Variants in PPP1R12B observed in about 807,000 individuals in gnomAD.
The protein encoded by PPP1R12B is protein phosphatase 1 regulatory subunit 12B.
PPP1R12B carries 76 observed loss-of-function variants against 126.1 expected under a neutral mutation model. The ratio of observed to expected loss-of-function variants is 0.60; its 90% CI spans 0.50 to 0.73. The LOEUF is 0.73. Ranked by LOEUF, PPP1R12B falls within the 30% of genes least tolerant of loss-of-function variation. PPP1R12B has a pLI of 0.00. For synonymous variants in PPP1R12B, 356 were observed against 434.7 expected (o/e 0.82, Z 2.25); for missense variants, 1,052 against 1,205.1 (o/e 0.87, Z 1.88).
In PPP1R12B at chr1:202,357,069, G is replaced by A. The variant is rs201950606; in HGVS notation, c.291+7927G>A. Among the ~76,000 whole-genome samples, 46 of 152,180 alleles carry A rather than the reference G, an allele frequency of 3.0e-4. No homozygotes were observed. The East Asian group carries it at 5.4e-3, about 18-fold the overall frequency. On this transcript the variant is annotated intron_variant, in intron 1 of 23. Transcript: ENST00000608999. The stretch of plus-strand genomic sequence containing the variant: ...ACTCCTGACTTCAGGTGATCCACCC[G>A]CCTTGGCCTCCCAAGGATTACAGGT...
chr1:202,517,138 G>A (rs1347711459), intron 18 of PPP1R12B, among the ~76,000 whole-genome samples: 1 of 152,120 alleles, frequency 6.6e-6, no homozygotes, highest in African/African-American at 2.4e-5. Context: ...TACAGTTGTG[G>A]AAAACAGCTC....
chr1:202,490,342 G>A (rs1293904574), intron 14 of PPP1R12B, among the ~76,000 whole-genome samples: 3 of 152,152 alleles, frequency 2.0e-5, no homozygotes, highest in Non-Finnish European at 4.4e-5. Context: ...CACCCTTGTT[G>A]TCTTCTTTGA....
At chr1:202,440,852 C>T (rs1050442909) in intron 11 of PPP1R12B, 64 bp downstream of exon 11, 1 of 1,343,904 alleles carries the variant, frequency 7.4e-7, no homozygotes, top group Non-Finnish European at 1.1e-6. Context: ...ATAGTCATCT[C>T]CTGGGCATTA....
intron 18 of PPP1R12B, among the ~76,000 whole-genome samples, chr1:202,553,239 T>A (rs549319613): frequency 6.6e-6 from 1 of 152,358 alleles, no homozygotes; most frequent in African/African-American, 2.4e-5. Flanking sequence ...TCTGAGCAGC[T>A]TTTAGTCTCT....
chr1:202,493,250 C>T lies in PPP1R12B; in HGVS notation c.2078C>T (p.Pro693Leu), dbSNP rs148592155. The T allele has an allele frequency of 6.2e-7, 1 of 1,612,870 alleles. No individual in the cohort carries two copies. The highest frequency in any genetic ancestry group is 1.3e-5 in the African/African-American group (1 of 74,904). Residue 693 changes from proline (P) to leucine (L), a missense_variant, in exon 15 of 24, where the codon CCC becomes CTC. Pro to Leu is a moderately conservative substitution (Grantham distance 98, BLOSUM62 -3). Coordinates refer to ENST00000608999, the MANE Select transcript of PPP1R12B (RefSeq NM_002481.4). ...GAGGGGAGCCCTGAGAAGCATGAGC[C>T]CTCAGCAGTTCCAGCAACAGAAGCT... is the stretch of plus-strand genomic sequence containing the variant. ...GLEGSPEKHE[P>L]SAVPATEAGE...
At chr1:202,538,197 G>A (rs1375115207) in intron 18 of PPP1R12B, among the ~76,000 whole-genome samples, 1 of 152,202 alleles carries the variant, frequency 6.6e-6, no homozygotes, top group Non-Finnish European at 1.5e-5. Context: ...GTTTCACCAT[G>A]TTGGTCAGGC....
chr1:202,563,147 C>G (rs1687698550), intron 20 of PPP1R12B, among the ~76,000 whole-genome samples: 1 of 152,178 alleles, frequency 6.6e-6, no homozygotes, highest in Non-Finnish European at 1.5e-5. Flanking sequence ...GAGACAAGGT[C>G]TCATTGTTAC....
intron 18 of PPP1R12B, among the ~76,000 whole-genome samples, chr1:202,526,604 C>T (rs1683374572): frequency 6.6e-6 from 1 of 151,808 alleles, no homozygotes; most frequent in Admixed American, 6.6e-5. Context: ...GGAATGTAAG[C>T]TCGATAAAGA....
chr1:202,567,740 A>C (rs766004329), intron 21 of PPP1R12B, 38 bp from the exon 22 acceptor site: 1 of 1,608,284 alleles, frequency 6.2e-7, no homozygotes, highest in Non-Finnish European at 8.5e-7. Context: ...GCCCTTAGAC[A>C]ACTTAAATAA....
chr1:202,545,505 G>A (rs1685559155), intron 18 of PPP1R12B, among the ~76,000 whole-genome samples: 1 of 152,222 alleles, frequency 6.6e-6, no homozygotes, highest in Non-Finnish European at 1.5e-5. Flanking sequence ...TGATAAATGT[G>A]TATCAAAGCC....
intron 13 of PPP1R12B, among the ~76,000 whole-genome samples, chr1:202,461,788 A>G (rs1674335361): frequency 6.6e-6 from 1 of 152,250 alleles, no homozygotes; most frequent in Non-Finnish European, 1.5e-5. Context: ...AGCCATACAC[A>G]GGTACCTTCT....
Position 202,592,185 on chromosome 1 carries a change from A to T in PPP1R12B, c.*11625A>T, listed in dbSNP as rs1316938536. The T allele has an allele frequency of 6.5e-6, 1 of 152,762 alleles. No individual in the cohort carries two copies. The highest frequency in any genetic ancestry group is 1.5e-5 in the Non-Finnish European group (1 of 68,148). 9.5% of individuals were successfully genotyped at this position (152,762 alleles called of 1,614,324 possible). On this transcript the variant is annotated 3_prime_UTR_variant, in exon 24 of 24. Coordinates refer to ENST00000608999, the MANE Select transcript of PPP1R12B (RefSeq NM_002481.4). The stretch of plus-strand genomic sequence containing the variant: ...AGTGGGAGGAAGGGGCACACCACAC[A>T]CATACACAGAACATGGAAGCTACTG...
Position 202,586,064 on chromosome 1 carries a change from T to G in PPP1R12B, c.*5504T>G, listed in dbSNP as rs1242082175. 1 of 152,206 alleles carries G rather than the reference T, an allele frequency of 6.6e-6. No individual in the cohort carries two copies. Among genetic ancestry groups the G allele is most frequent in the Non-Finnish European group, 1.5e-5 (1 of 68,030 alleles). The allele number at this position is 152,206 out of a possible 1,614,324, so 9.4% of individuals were successfully genotyped here. Reference sequence around the variant, plus strand: ...CCTCGACAAGAACCTCAATCTTTAGTTCCATTGAGCTCCCCCTCTGGATTT... The same window carrying G: ...CCTCGACAAGAACCTCAATCTTTAGGTCCATTGAGCTCCCCCTCTGGATTT... On this transcript the variant is annotated 3_prime_UTR_variant, in exon 24 of 24. Coordinates refer to ENST00000608999, the MANE Select transcript of PPP1R12B (RefSeq NM_002481.4).
rs1408073379 is a variant in PPP1R12B, at chr1:202,439,231, A to G, written c.1458+1207A>G. The G allele has an allele frequency of 2.8e-6, 4 of 1,404,860 alleles. No individual in the cohort carries two copies. The African/African-American group carries it at 5.6e-5, about 20-fold the overall frequency. 87.0% of individuals were successfully genotyped at this position (1,404,860 alleles called of 1,614,324 possible). On this transcript the variant is annotated intron_variant, in intron 10 of 23. Coordinates refer to ENST00000608999, the MANE Select transcript of PPP1R12B (RefSeq NM_002481.4). ...TGTGCTCCTGCAGCCTCGTTGGAGCACCATCCAGACAATATCAAGGCTGTC... is the reference window on the plus strand; with the variant it reads ...TGTGCTCCTGCAGCCTCGTTGGAGCGCCATCCAGACAATATCAAGGCTGTC...
intron 13 of PPP1R12B, among the ~76,000 whole-genome samples, chr1:202,464,116 G>T (rs540157937): frequency 6.6e-6 from 1 of 152,232 alleles, no homozygotes; most frequent in South Asian, 2.1e-4. Context: ...CTACACCTGA[G>T]CCCCAGGCTA....
At chr1:202,427,230 G>A (rs1456712455) in intron 5 of PPP1R12B, 46 bp downstream of exon 5, 2 of 1,607,238 alleles carry the variant, frequency 1.2e-6, no homozygotes, top group African/African-American at 2.7e-5. Flanking sequence ...TTGGTGGCTG[G>A]GTCTCTAGAA....
At chr1:202,391,376 A>T (rs1235356494) in intron 1 of PPP1R12B, among the ~76,000 whole-genome samples, 2 of 152,126 alleles carry the variant, frequency 1.3e-5, no homozygotes, top group Non-Finnish European at 2.9e-5. Flanking sequence ...AAGTCAAATA[A>T]TGACAAGTAT....
At chr1:202,444,980 G>A (rs896546265) in intron 12 of PPP1R12B, 18 of 1,206,446 alleles carry the variant, frequency 1.5e-5, no homozygotes, top group Non-Finnish European at 1.9e-5. Flanking sequence ...TGGGTGGGAA[G>A]GTGGTGCTGG....
intron 13 of PPP1R12B, among the ~76,000 whole-genome samples, chr1:202,453,302 G>A (rs1365241332): frequency 6.6e-6 from 1 of 151,970 alleles, no homozygotes; most frequent in Non-Finnish European, 1.5e-5. Context: ...GTGTATCTTT[G>A]AACCATCCTT....
Sources: allele counts gnomAD v4.1 joint callset (sites outside exome capture counted in the v4.1 genomes callset), GRCh38; gene constraint gnomAD v4.1.1; transcripts MANE v1.5; gene names NCBI Gene and HGNC (gene_info 2026-07-23, HGNC 2026-07-21).